The following RCOR3 variants were observed in gnomAD, a reference collection of about 807,000 sequenced individuals.
RCOR3 encodes the protein REST corepressor 3.
A neutral mutation model predicts 64.1 loss-of-function variants in RCOR3; 13 were observed. That is an observed-to-expected ratio of 0.20 (90% confidence interval 0.13 to 0.32). The LOEUF (loss-of-function observed/expected upper bound fraction) is 0.32, where lower values mean the gene tolerates loss of function less well. RCOR3 is among the 10% of genes least tolerant of loss of function. RCOR3 has a pLI of 1.00. For missense variants in RCOR3, 489 were observed against 701.2 expected (o/e 0.70, Z 3.42); for synonymous variants, 215 against 239.0 (o/e 0.90, Z 0.93).
rs760941114 is a variant in RCOR3, at chr1:211,260,087, T to TA, written c.167-21_167-20insA. ...TCTTCTTTTTTATTTTTTATATATATTTTTTGGCATTGCTTTGCAGATGTT... is the reference window on the plus strand; with the variant it reads ...TCTTCTTTTTTATTTTTTATATATATATTTTTGGCATTGCTTTGCAGATGTT... On this transcript the variant is annotated intron_variant, in intron 1 of 11. Transcript: ENST00000419091. 55 of 1,581,624 alleles carry TA rather than the reference T, an allele frequency of 3.5e-5. No individual in the cohort carries two copies. In the South Asian group the frequency reaches 6.4e-4, roughly 18 times the overall value.
chr1:211,295,845 C>A, intron 9 of RCOR3, 92 bp downstream of exon 9: 1 of 819,090 alleles, frequency 1.2e-6, no homozygotes, highest in Non-Finnish European at 2.0e-6. Flanking sequence ...TCACATGCAT[C>A]ATTAATACTT....
chr1:211,269,062 A>G (rs1041665120), intron 2 of RCOR3, among the ~76,000 whole-genome samples: 1 of 152,224 alleles, frequency 6.6e-6, no homozygotes, highest in Non-Finnish European at 1.5e-5. Flanking sequence ...TCTTCATTCC[A>G]AGTATCTTAT....
intron 3 of RCOR3, 56 bp downstream of exon 3, chr1:211,271,365 A>G (rs1244841428): frequency 2.9e-6 from 4 of 1,384,004 alleles, no homozygotes; most frequent in Non-Finnish European, 3.1e-6. Context: ...GCCAATTCAA[A>G]ATATGACTTA....
At chr1:211,260,898 G>T (rs1208100376) in intron 2 of RCOR3, 2 of 152,400 alleles carry the variant, frequency 1.3e-5, no homozygotes, top group African/African-American at 4.8e-5. Flanking sequence ...AACCCAGCTT[G>T]CGGGCTCCCT....
chr1:211,278,073 G>A (rs1697263420), intron 5 of RCOR3, 44 bp from the exon 6 acceptor site: 1 of 1,496,266 alleles, frequency 6.7e-7, no homozygotes, highest in African/African-American at 1.4e-5. Context: ...TATTCATTTT[G>A]TTTATGAATT....
chr1:211,288,731 C>T (rs1698881701), intron 7 of RCOR3, among the ~76,000 whole-genome samples: 1 of 151,866 alleles, frequency 6.6e-6, no homozygotes, highest in Admixed American at 6.6e-5. Flanking sequence ...TGTTATCTCT[C>T]TTTAACCAGC....
At chr1:211,267,399 T>G (rs1381315250) in intron 2 of RCOR3, among the ~76,000 whole-genome samples, 1 of 152,014 alleles carries the variant, frequency 6.6e-6, no homozygotes, top group African/African-American at 2.4e-5. Context: ...AATAGTAGAG[T>G]CCAGTTCAGA....
At position 211,279,306 on chromosome 1, in the gene RCOR3, C is replaced by T. The variant is rs767941683; in HGVS notation, c.710C>T (p.Ala237Val). ...NDSDYDPKKEAKKEGNTEQPV... is the reference protein window; with the variant it reads ...NDSDYDPKKEVKKEGNTEQPV... ...AGTGATTATGATCCCAAAAAAGAAGCCAAAAAAGAGGTAATGATGATCACT... is the reference window on the plus strand; with the variant it reads ...AGTGATTATGATCCCAAAAAAGAAGTCAAAAAAGAGGTAATGATGATCACT... The change falls in exon 7 of 12, where the codon GCC (alanine) becomes GTC (valine). Residue 237 changes from alanine (A) to valine (V), a missense_variant. By Grantham distance (64) the Ala-to-Val change is moderately conservative. Transcript: ENST00000419091. 4.4e-5 allele frequency: 70 copies of T among 1,606,682 alleles called. No individual in the cohort carries two copies. The South Asian group carries it at 7.4e-4, about 17-fold the overall frequency.
Position 211,271,251 on chromosome 1 carries a change from T to TA in RCOR3, c.246dup (p.Asp83ArgfsTer21). 6.2e-7 allele frequency: 1 copy of TA among 1,613,646 alleles called. No homozygotes were observed. On this transcript the variant is annotated frameshift_variant, in exon 3 of 12. Coordinates refer to ENST00000419091, the MANE Select transcript of RCOR3 (RefSeq NM_001136223.3). LOFTEE classifies it high-confidence loss of function. ...CCCCAGGTGCTACAAAGTACACAGA[T>TA]AAAGACAATGGAGGGATGCTTGTAT...
intron 9 of RCOR3, among the ~76,000 whole-genome samples, chr1:211,298,372 C>G (rs544634662): frequency 6.6e-6 from 1 of 152,216 alleles, no homozygotes; most frequent in South Asian, 2.1e-4. Context: ...CCATAGAGGT[C>G]ATTCCAGGCA....
rs775448796 is a variant in RCOR3 at position 211,313,428 on chromosome 1, A to C, written c.1322A>C (p.Gln441Pro). The C allele has an allele frequency of 6.2e-7, 1 of 1,612,980 alleles. No homozygotes were observed. Among genetic ancestry groups the C allele is most frequent in the Admixed American group, 1.7e-5 (1 of 59,984 alleles). ...TTTTTGTTTCCTCACCTCTAGGCAC[A>C]GACCCCACAGGCTCCTCGGACACTG... The part of the protein sequence containing the change: ...GKSTDEEEEA[Q>P]TPQAPRTLGP... Residue 441 changes from glutamine to proline, a missense_variant, in exon 12 of 12, where the codon CAG becomes CCG. Around this residue, in one of 2 missense-constraint regions of RCOR3, gnomAD observed 402 missense variants for 617.0 expected, o/e 0.65. Transcript: ENST00000419091. The surrounding 1 kb of genome is among the most constrained non-coding windows in gnomAD (Gnocchi z 4.7).
intron 8 of RCOR3, chr1:211,291,719 G>T: frequency 3.0e-6 from 1 of 338,300 alleles, no homozygotes; most frequent in Non-Finnish European, 5.5e-6. Context: ...CTCTAACATA[G>T]GCCACATTTG....
chr1:211,276,144 A>G (rs1696934602), intron 4 of RCOR3, 113 bp from the exon 5 acceptor site: 3 of 982,192 alleles, frequency 3.1e-6, no homozygotes, highest in Non-Finnish European at 4.5e-6. Context: ...CTGTGAGTCT[A>G]TCTTCAGTCG....
In RCOR3 at chr1:211,260,755, G is replaced by C. The variant is rs552241562; in HGVS notation, c.223+591G>C. Among the ~76,000 whole-genome samples the C allele has an allele frequency of 2.6e-5, 4 of 152,076 alleles. No homozygotes were observed. In the South Asian group the frequency reaches 8.3e-4, roughly 31 times the overall value. ...CGCGGAGAGAAAGGGGTGGGGGAAG[G>C]GGGTGGGGAGACGCCAGCGGCAGGC... On this transcript the variant is annotated intron_variant, in intron 2 of 11. Transcript: ENST00000419091.
intron 7 of RCOR3, among the ~76,000 whole-genome samples, chr1:211,279,689 T>A (rs1697500643): frequency 6.6e-6 from 1 of 152,252 alleles, no homozygotes; most frequent in Non-Finnish European, 1.5e-5. Flanking sequence ...TTTACTGATT[T>A]TCTTTCTACT....
chr1:211,310,701 C>G (rs755234495), intron 10 of RCOR3, among the ~76,000 whole-genome samples: 28 of 152,052 alleles, frequency 1.8e-4, no homozygotes, highest in Non-Finnish European at 2.9e-4. Context: ...GAAGAAGGGG[C>G]ACTTATTTAA....
Position 211,314,075 on chromosome 1 carries a change from GTATT to G in RCOR3, c.*313_*316del, listed in dbSNP as rs1328359716. 2 of 257,138 alleles carry G rather than the reference GTATT, an allele frequency of 7.8e-6. No individual in the cohort carries two copies. The highest frequency in any genetic ancestry group is 4.9e-5 in the Admixed American group (1 of 20,338). 15.9% of individuals were successfully genotyped at this position (257,138 alleles called of 1,614,324 possible). On this transcript the variant is annotated 3_prime_UTR_variant, in exon 12 of 12. Transcript: ENST00000419091. ...ACCAAGTTTTTGTTTTGTTTTTACT[GTATT>G]TATTTTATTGAGGTTCTTTATATTC...
intron 3 of RCOR3, among the ~76,000 whole-genome samples, chr1:211,272,931 A>T (rs1696445640): frequency 6.6e-6 from 1 of 152,084 alleles, no homozygotes; most frequent in Non-Finnish European, 1.5e-5. Flanking sequence ...TGGATGTCTT[A>T]CTTTTTAAAA....
chr1:211,273,988 T>C (rs1696608297), intron 3 of RCOR3, among the ~76,000 whole-genome samples: 5 of 152,148 alleles, frequency 3.3e-5, no homozygotes, highest in Admixed American at 3.3e-4. Context: ...GTATAATGTG[T>C]AGTCGTAGAG....
Sources: gnomAD v4.1 joint callset for allele counts (sites outside exome capture counted in the v4.1 genomes callset) on GRCh38, gnomAD v4.1.1 for gene constraint, gnomAD v4.1.1 regional missense constraint, Gnocchi (gnomAD v3.1) non-coding constraint, MANE v1.5 for transcripts, NCBI Gene and HGNC (gene_info 2026-07-23, HGNC 2026-07-21) for gene names.